Variants in B3GALT1 observed in about 807,000 individuals in gnomAD.
B3GALT1 encodes beta-1,3-galactosyltransferase 1.
A neutral mutation model predicts 23.2 loss-of-function variants in B3GALT1; 10 were observed. The observed-to-expected ratio is 0.43, with a 90% CI of 0.27 to 0.73. The LOEUF (loss-of-function observed/expected upper bound fraction) is 0.73. B3GALT1 is among the 30% of genes least tolerant of loss of function. The pLI is 0.21. For missense variants in B3GALT1, 299 were observed against 405.4 expected, an observed-to-expected ratio of 0.74 and a Z score of 2.25; for synonymous variants, 156 against 141.5, an observed-to-expected ratio of 1.10 and a Z score of -0.73.
intron 4 of B3GALT1, among the ~76,000 whole-genome samples, chr2:167,835,642 G>T (rs1013494028): frequency 6.6e-6 from 1 of 152,242 alleles, no homozygotes; most frequent in East Asian, 1.9e-4. Context: ...AACCTCTGCA[G>T]ACTTAAATGT....
chr2:167,392,167 T>C (rs1375248867), intron 1 of B3GALT1, among the ~76,000 whole-genome samples: 2 of 151,930 alleles, frequency 1.3e-5, no homozygotes, highest in African/African-American at 4.8e-5. Context: ...ACCAGAAATA[T>C]CTCTTTCTCC....
At chr2:167,453,448 A>G (rs1275201959) in intron 1 of B3GALT1, among the ~76,000 whole-genome samples, 1 of 152,242 alleles carries the variant, frequency 6.6e-6, no homozygotes, top group Admixed American at 6.5e-5. Context: ...AGGATAATGT[A>G]TGATATTAAA....
At chr2:167,740,177 A>G (rs1473652671) in intron 3 of B3GALT1, among the ~76,000 whole-genome samples, 2 of 151,874 alleles carry the variant, frequency 1.3e-5, no homozygotes, top group Non-Finnish European at 2.9e-5. Flanking sequence ...ATAAAGCAAA[A>G]TGTTTGGTGC....
intron 3 of B3GALT1, among the ~76,000 whole-genome samples, chr2:167,756,320 T>C (rs1413560425): frequency 1.3e-5 from 2 of 152,104 alleles, no homozygotes; most frequent in Admixed American, 6.5e-5. Context: ...CAAGCAGGGG[T>C]TGGGTAGAGC....
chr2:167,702,028 T>G (rs1052308225), intron 3 of B3GALT1, among the ~76,000 whole-genome samples: 1 of 152,216 alleles, frequency 6.6e-6, no homozygotes, highest in Non-Finnish European at 1.5e-5. Context: ...TGGAATCCTT[T>G]GCAGAAAAAA....
intron 2 of B3GALT1, among the ~76,000 whole-genome samples, chr2:167,514,932 GT>G (rs1405392404): frequency 1.3e-5 from 2 of 151,926 alleles, no homozygotes; most frequent in Non-Finnish European, 2.9e-5. Context: ...ATAGGAACTG[GT>G]TAATAAATAT....
intron 2 of B3GALT1, among the ~76,000 whole-genome samples, chr2:167,519,034 A>G (rs1289861578): frequency 1.3e-5 from 2 of 152,214 alleles, no homozygotes; most frequent in African/African-American, 2.4e-5. Flanking sequence ...AGCTCATGGC[A>G]AAGCTGGCTT....
At chr2:167,338,645 G>A (rs374916580) in intron 1 of B3GALT1, among the ~76,000 whole-genome samples, 12 of 152,132 alleles carry the variant, frequency 7.9e-5, no homozygotes, top group East Asian at 7.7e-4. Context: ...AACCCAAAAT[G>A]TATAAAGCAA....
At chr2:167,439,366 T>C (rs1018521363) in intron 1 of B3GALT1, among the ~76,000 whole-genome samples, 5 of 152,216 alleles carry the variant, frequency 3.3e-5, no homozygotes, top group African/African-American at 9.6e-5. Flanking sequence ...TTCTTTTTTC[T>C]ATTCATATTT....
At chr2:167,674,805 C>T (rs1269281987) in intron 3 of B3GALT1, among the ~76,000 whole-genome samples, 1 of 152,022 alleles carries the variant, frequency 6.6e-6, no homozygotes, top group Non-Finnish European at 1.5e-5. Context: ...TTTTTAAATA[C>T]TGGGAAATCT....
chr2:167,472,732 C>A (rs1259144681), intron 1 of B3GALT1, among the ~76,000 whole-genome samples: 1 of 152,074 alleles, frequency 6.6e-6, no homozygotes, highest in East Asian at 1.9e-4. Flanking sequence ...CTGTGCTCTT[C>A]CTCATTCTTC....
chr2:167,751,827 C>T (rs1362464510), intron 3 of B3GALT1, among the ~76,000 whole-genome samples: 2 of 152,248 alleles, frequency 1.3e-5, no homozygotes, highest in Admixed American at 6.5e-5. Context: ...TCTGATCAAA[C>T]GATGAGTAGA....
At chr2:167,294,041 G>C (rs911166805) in intron 1 of B3GALT1, among the ~76,000 whole-genome samples, 1 of 152,220 alleles carries the variant, frequency 6.6e-6, no homozygotes, top group African/African-American at 2.4e-5. Context: ...CAGACTTGAG[G>C]ATGGAGAGTC....
chr2:167,841,846 A>G (rs1689658553), intron 4 of B3GALT1, among the ~76,000 whole-genome samples: 1 of 152,266 alleles, frequency 6.6e-6, no homozygotes, highest in Non-Finnish European at 1.5e-5. Context: ...AAGGTTAACC[A>G]TAGGAAATAA....
chr2:167,759,189 C>T (rs976074534), intron 3 of B3GALT1, among the ~76,000 whole-genome samples: 14 of 152,298 alleles, frequency 9.2e-5, no homozygotes, highest in East Asian at 1.9e-4. Context: ...CAGCAGAAGA[C>T]GGTAGGAGTG....
chr2:167,505,804 A>T (rs954187623), intron 2 of B3GALT1, among the ~76,000 whole-genome samples: 6 of 152,196 alleles, frequency 3.9e-5, no homozygotes. Context: ...TCACACCTGT[A>T]ATCCCAGCAC....
At chr2:167,512,598 A>ATATATATATGTG (rs1700034452) in intron 2 of B3GALT1, among the ~76,000 whole-genome samples, 2 of 108,244 alleles carry the variant, frequency 1.8e-5, no homozygotes, top group African/African-American at 9.6e-5. Context: ...ATATGTGTAT[A>ATATATATATGTG]TATATATATG....
intron 1 of B3GALT1, among the ~76,000 whole-genome samples, chr2:167,486,498 T>A (rs1213829476): frequency 6.6e-6 from 1 of 151,426 alleles, no homozygotes; most frequent in Non-Finnish European, 1.5e-5. Flanking sequence ...GGCAGGCAGA[T>A]CACTAGGTCA....
intron 4 of B3GALT1, among the ~76,000 whole-genome samples, chr2:167,831,024 A>G (rs963089864): frequency 3.3e-5 from 5 of 152,258 alleles, no homozygotes. Flanking sequence ...ATAAATTTGT[A>G]TGCTACCAAG....
Sources: gnomAD v4.1 joint callset for allele counts (sites outside exome capture counted in the v4.1 genomes callset) on GRCh38, gnomAD v4.1.1 for gene constraint, MANE v1.5 for transcripts, NCBI Gene and HGNC (gene_info 2026-07-23, HGNC 2026-07-21) for gene names.